The following GPC6 variants were observed in gnomAD, a reference collection of about 807,000 sequenced individuals.
The protein encoded by GPC6 is glypican 6, also known as glypican-6.
Under a neutral mutation model 55.2 loss-of-function variants are expected in GPC6, and 14 were observed. The observed-to-expected ratio is 0.25, with a 90% CI of 0.17 to 0.40. GPC6 has a LOEUF of 0.40. Among genes scored for constraint, GPC6 ranks in the 10% least tolerant of loss-of-function variants. The pLI, the probability that GPC6 is intolerant of heterozygous loss-of-function variation, is 1.00. For synonymous variants in GPC6, 278 were observed against 259.6 expected, an observed-to-expected ratio of 1.07 and a Z score of -0.68; for missense variants, 641 against 708.5, an observed-to-expected ratio of 0.90 and a Z score of 1.08.
chr13:93,817,943 TATTA>T (rs1403838564), intron 2 of GPC6, among the ~76,000 whole-genome samples: 3 of 148,212 alleles, frequency 2.0e-5, no homozygotes, highest in Admixed American at 6.8e-5. Context: ...AGATATAATT[TATTA>T]GTTATACCTA....
intron 1 of GPC6, among the ~76,000 whole-genome samples, chr13:93,388,477 C>T (rs1469358330): frequency 1.3e-5 from 2 of 152,182 alleles, no homozygotes; most frequent in Non-Finnish European, 2.9e-5. Context: ...ATCATTTGCC[C>T]TAGCAGTATC....
intron 2 of GPC6, among the ~76,000 whole-genome samples, chr13:93,804,123 G>A (rs1319224833): frequency 2.0e-5 from 3 of 152,040 alleles, no homozygotes; most frequent in Admixed American, 6.6e-5. Context: ...AAAAGGCATA[G>A]CATAAATTGA....
At chr13:93,452,578 G>A (rs991944424) in intron 1 of GPC6, among the ~76,000 whole-genome samples, 2 of 152,182 alleles carry the variant, frequency 1.3e-5, no homozygotes, top group Admixed American at 1.3e-4. Context: ...GCCTCAAGTG[G>A]AAGCTATACA....
intron 1 of GPC6, among the ~76,000 whole-genome samples, chr13:93,305,397 A>C (rs1278822342): frequency 6.6e-6 from 1 of 152,182 alleles, no homozygotes; most frequent in Admixed American, 6.5e-5. Context: ...TACTGGGACC[A>C]CAAGCAGTAA....
chr13:93,525,366 A>G (rs754773749), intron 1 of GPC6, among the ~76,000 whole-genome samples: 3 of 152,108 alleles, frequency 2.0e-5, no homozygotes, highest in Middle Eastern at 3.2e-3. Flanking sequence ...AAAATGTGCT[A>G]TCAAAACCCA....
At chr13:93,516,332 A>G (rs1169217212) in intron 1 of GPC6, among the ~76,000 whole-genome samples, 1 of 152,136 alleles carries the variant, frequency 6.6e-6, no homozygotes, top group Non-Finnish European at 1.5e-5. Flanking sequence ...TGGAGTCCTT[A>G]TTAATGAAGT....
At chr13:93,465,908 T>C (rs1878886480) in intron 1 of GPC6, among the ~76,000 whole-genome samples, 1 of 152,290 alleles carries the variant, frequency 6.6e-6, no homozygotes, top group South Asian at 2.1e-4. Context: ...GTTGCCAGAT[T>C]ATCAATTTGC....
At chr13:94,275,304 G>C (rs1404830550) in intron 4 of GPC6, among the ~76,000 whole-genome samples, 1 of 151,976 alleles carries the variant, frequency 6.6e-6, no homozygotes, top group African/African-American at 2.4e-5. Context: ...TGGGAAGAGT[G>C]ACTAGGAGTT....
At chr13:93,565,236 G>A (rs757655000) in intron 2 of GPC6, among the ~76,000 whole-genome samples, 1 of 152,116 alleles carries the variant, frequency 6.6e-6, no homozygotes, top group African/African-American at 2.4e-5. Context: ...GCAGCACTCA[G>A]TGTAACATTC....
intron 1 of GPC6, among the ~76,000 whole-genome samples, chr13:93,242,124 G>T (rs1217695045): frequency 6.6e-6 from 1 of 152,152 alleles, no homozygotes; most frequent in Non-Finnish European, 1.5e-5. Context: ...TTAGTCTTCA[G>T]TTTAATTAGA....
chr13:94,167,075 C>T (rs1350653958), intron 4 of GPC6, among the ~76,000 whole-genome samples: 1 of 152,114 alleles, frequency 6.6e-6, no homozygotes, highest in African/African-American at 2.4e-5. Context: ...AAATTAGACT[C>T]TAGATGTTTT....
At chr13:93,929,040 G>C (rs937339473) in intron 3 of GPC6, among the ~76,000 whole-genome samples, 6 of 152,198 alleles carry the variant, frequency 3.9e-5, no homozygotes, top group Non-Finnish European at 8.8e-5. Flanking sequence ...AAAACACTGT[G>C]TTCTGTGGAG....
chr13:93,870,555 C>G (rs1471505463), intron 3 of GPC6, among the ~76,000 whole-genome samples: 2 of 151,716 alleles, frequency 1.3e-5, no homozygotes, highest in African/African-American at 4.8e-5. Context: ...TGTGTAACCC[C>G]TAAATTCATA....
chr13:93,354,522 T>TA (rs968518433), intron 1 of GPC6, among the ~76,000 whole-genome samples: 23 of 145,772 alleles, frequency 1.6e-4, no homozygotes, highest in African/African-American at 5.3e-4. Context: ...GGCTATTATT[T>TA]TTTTTTTTTT....
At chr13:94,247,044 T>C (rs905456573) in intron 4 of GPC6, among the ~76,000 whole-genome samples, 4 of 152,144 alleles carry the variant, frequency 2.6e-5, no homozygotes, top group Admixed American at 2.0e-4. Flanking sequence ...ATCAATGTTT[T>C]ATGGGGTTTA....
intron 6 of GPC6, among the ~76,000 whole-genome samples, chr13:94,336,152 C>A (rs1229533091): frequency 6.6e-6 from 1 of 152,106 alleles, no homozygotes; most frequent in East Asian, 1.9e-4. Context: ...GCAGGTGTAG[C>A]ATTTAGAGTC....
Position 93,788,365 on chromosome 13 carries a change from C to T in GPC6, c.320-41789C>T, listed in dbSNP as rs555910319. 2.2e-4 allele frequency among the ~76,000 whole-genome samples: 33 copies of T among 152,192 alleles called. No homozygotes were observed. The South Asian group carries it at 6.8e-3, about 32-fold the overall frequency. ...ATTCACAAGAAAGGAGACCTCATGG[C>T]CTAATCACCTCTTAAATGTCCTGCC... On this transcript the variant is annotated intron_variant, in intron 2 of 8. Transcript: ENST00000377047.
chr13:93,394,954 C>A (rs1875787895), intron 1 of GPC6: 2 of 207,938 alleles, frequency 9.6e-6, no homozygotes, highest in South Asian at 9.4e-5. Flanking sequence ...AAACTTAACA[C>A]TTTCCACAGT....
intron 6 of GPC6, among the ~76,000 whole-genome samples, chr13:94,326,937 G>A (rs535316321): frequency 2.2e-4 from 34 of 152,172 alleles, no homozygotes; most frequent in South Asian, 6.2e-4. Flanking sequence ...AAATGCAAGC[G>A]TGGGAAAAGG....
Sources: gnomAD v4.1 joint callset for allele counts (sites outside exome capture counted in the v4.1 genomes callset) on GRCh38, gnomAD v4.1.1 for gene constraint, MANE v1.5 for transcripts, NCBI Gene and HGNC (gene_info 2026-07-23, HGNC 2026-07-21) for gene names.